PDE12: variants seen among roughly 807,000 people sequenced by gnomAD.
PDE12 encodes phosphodiesterase 12, also known as 2',5'-phosphodiesterase 12.
Under a neutral mutation model 45.4 loss-of-function variants are expected in PDE12, and 26 were observed. The observed-to-expected ratio is 0.57, with a 90% CI of 0.42 to 0.79. The LOEUF is 0.79. Ranked by LOEUF, PDE12 falls within the 30% of genes least tolerant of loss-of-function variation. The probability of loss-of-function intolerance (pLI) is 0.00; values close to 1 mark genes in which losing one functional copy is unlikely to be tolerated. For missense variants in PDE12, 668 were observed against 790.0 expected, an observed-to-expected ratio of 0.85 and a Z score of 1.85; for synonymous variants, 283 against 323.9, an observed-to-expected ratio of 0.87 and a Z score of 1.36.
the PDE12 span, among the ~76,000 whole-genome samples, chr3:57,645,476 A>AAAAT: frequency 6.6e-6 from 1 of 152,118 alleles, no homozygotes; most frequent in Admixed American, 6.5e-5. Context: ...TAAATAAATA[A>AAAAT]AAATAAATAC....
chr3:57,575,818 A>G, the PDE12 span: 2 of 886,082 alleles, frequency 2.3e-6, no homozygotes, highest in Non-Finnish European at 3.2e-6. Context: ...TTACAACTGA[A>G]GTCTCATATC....
At chr3:57,604,852 A>G in the PDE12 span, among the ~76,000 whole-genome samples, 3 of 151,902 alleles carry the variant, frequency 2.0e-5, no homozygotes, top group African/African-American at 7.3e-5. Context: ...GCTTCAAGCA[A>G]TCCTCCCACC....
the PDE12 span, among the ~76,000 whole-genome samples, chr3:57,622,685 T>G: frequency 1.3e-5 from 2 of 152,138 alleles, no homozygotes; most frequent in African/African-American, 4.8e-5. Flanking sequence ...ACAATCCAAA[T>G]GTCTATCAAC....
chr3:57,609,485 T>C, the PDE12 span, among the ~76,000 whole-genome samples: 4 of 151,868 alleles, frequency 2.6e-5, no homozygotes, highest in Non-Finnish European at 4.4e-5. Flanking sequence ...ATTGATAGAC[T>C]GCAAGCAAGA....
the PDE12 span, among the ~76,000 whole-genome samples, chr3:57,606,385 A>G: frequency 1.3e-5 from 2 of 152,178 alleles, no homozygotes; most frequent in African/African-American, 4.8e-5. Flanking sequence ...TCCAGCAAAA[A>G]TATCTTATAA....
At chr3:57,654,614 C>A in the PDE12 span, 1 of 982,324 alleles carries the variant, frequency 1.0e-6, no homozygotes, top group Non-Finnish European at 1.2e-6. Context: ...ATGTCTATTT[C>A]TTTCAACAGA....
the PDE12 span, chr3:57,641,822 C>CT: frequency 1.4e-3 from 1,659 of 1,207,336 alleles, no homozygotes; most frequent in Non-Finnish European, 1.5e-3. Context: ...GAATAGTTTA[C>CT]TTTTTTTTTC....
At position 57,556,553 on chromosome 3, in the gene PDE12, T is replaced by TAGCC. The variant is rs1246584035; in HGVS notation, c.176_179dup (p.His60GlnfsTer30). On this transcript the variant is annotated frameshift_variant, in exon 1 of 3. Coordinates refer to ENST00000311180, the MANE Select transcript of PDE12 (RefSeq NM_177966.7). LOFTEE classifies it high-confidence loss of function. This position sits in a 1 kb window ranked among gnomAD's most constrained non-coding sequence, Gnocchi z 5.0. ...GCCTGTCATTCGCTTTGGCTGATGG[T>TAGCC]AGCCACAAGAACATGCAGCGCGACC... is the stretch of plus-strand genomic sequence containing the variant. The TAGCC allele has an allele frequency of 1.2e-6, 2 of 1,613,564 alleles. No homozygotes were observed. Among genetic ancestry groups the TAGCC allele is most frequent in the Non-Finnish European group, 1.7e-6 (2 of 1,179,992 alleles).
chr3:57,557,040 C>G lies in PDE12; in HGVS notation c.661C>G (p.Pro221Ala), dbSNP rs760908694. 2 of 1,613,962 alleles carry G rather than the reference C, an allele frequency of 1.2e-6. No individual in the cohort carries two copies. The highest frequency in any genetic ancestry group is 2.7e-5 in the African/African-American group (2 of 74,886). The part of the protein sequence containing the change: ...GVPSSLSPSS[P>A]SSSWTETDVE... ...CCCCTCGTCATTGTCTCCCTCCTCA[C>G]CTTCTTCTTCTTGGACTGAGACTGA... Residue 221 changes from proline (P) to alanine (A), a missense_variant, in exon 1 of 3, where the codon CCT (proline) becomes GCT (alanine). This residue lies in a region of PDE12 where 580 missense variants were observed against 662.9 expected (regional missense o/e 0.87). Coordinates refer to ENST00000311180, the MANE Select transcript of PDE12 (RefSeq NM_177966.7).
At chr3:57,604,224 A>T in the PDE12 span, among the ~76,000 whole-genome samples, 2 of 151,984 alleles carry the variant, frequency 1.3e-5, no homozygotes, top group African/African-American at 2.4e-5. Context: ...CCCAGCAGAA[A>T]TTTTTTTTAA....
chr3:57,571,928 A>G, the PDE12 span: 2 of 287,714 alleles, frequency 7.0e-6, no homozygotes, highest in African/African-American at 4.4e-5. Context: ...ACTCAAAACA[A>G]TTTATTTAAA....
the PDE12 span, chr3:57,575,711 G>A: frequency 1.3e-5 from 21 of 1,560,560 alleles, no homozygotes; most frequent in Non-Finnish European, 1.8e-5. Context: ...ACTACCAACC[G>A]GAATCCAATT....
the PDE12 span, chr3:57,634,584 CATCTCT>C: frequency 2.1e-6 from 3 of 1,445,662 alleles, no homozygotes; most frequent in South Asian, 4.3e-5. Context: ...ATGATCTCTT[CATCTCT>C]ATTTAAATAT....
chr3:57,556,584 G>A lies in PDE12; in HGVS notation c.205G>A (p.Glu69Lys), dbSNP rs1197619527. ...CAAGAACATGCAGCGCGACCAGAGCGAGCCGCTGGGTCGAGTCCTCAGCCG... is the reference window on the plus strand; with the variant it reads ...CAAGAACATGCAGCGCGACCAGAGCAAGCCGCTGGGTCGAGTCCTCAGCCG... ...SHKNMQRDQSEPLGRVLSRIA... is the reference protein window; with the variant it reads ...SHKNMQRDQSKPLGRVLSRIA... The change falls in exon 1 of 3, where the codon GAG (glutamate) becomes AAG (lysine). Residue 69 changes from glutamate to lysine, a missense_variant. Physicochemically the swap from Glu to Lys is moderately conservative, Grantham distance 56 (BLOSUM62 1). Transcript: ENST00000311180. The surrounding 1 kb of genome is among the most constrained non-coding windows in gnomAD (Gnocchi z 5.0). 1 of 1,613,260 alleles carries A rather than the reference G, an allele frequency of 6.2e-7. No homozygotes were observed. Among genetic ancestry groups the A allele is most frequent in the Non-Finnish European group, 8.5e-7 (1 of 1,179,930 alleles).
chr3:57,588,994 C>G, the PDE12 span, among the ~76,000 whole-genome samples: 4 of 151,408 alleles, frequency 2.6e-5, no homozygotes, highest in South Asian at 8.3e-4. Context: ...CCCAGCTACT[C>G]GGGAGGCTGA....
At chr3:57,598,572 G>C in the PDE12 span, among the ~76,000 whole-genome samples, 2 of 152,098 alleles carry the variant, frequency 1.3e-5, no homozygotes, top group African/African-American at 4.8e-5. Context: ...ACGAGGTCAG[G>C]AGATCGAGAC....
rs1022356125 is a variant in PDE12, at chr3:57,561,377, C to T, written c.*1373C>T. On this transcript the variant is annotated 3_prime_UTR_variant, in exon 3 of 3. Transcript: ENST00000311180. ...CTCTGAAATAAAAAACTTCTTTTTA[C>T]AGACAAGCATTATAGTTTGAGTTAC... 3 of 983,700 alleles carry T rather than the reference C, an allele frequency of 3.0e-6. No homozygotes were observed. The highest frequency in any genetic ancestry group is 1.2e-4 in the Admixed American group (2 of 16,240). 60.9% of individuals were successfully genotyped at this position (983,700 alleles called of 1,614,324 possible).
chr3:57,627,218 A>G, the PDE12 span: 4 of 152,210 alleles, frequency 2.6e-5, no homozygotes, highest in African/African-American at 9.7e-5. Context: ...ATCTCAGCTC[A>G]CTGCAACCTC....
chr3:57,621,565 G>A, the PDE12 span, among the ~76,000 whole-genome samples: 5 of 152,088 alleles, frequency 3.3e-5, no homozygotes, highest in African/African-American at 1.2e-4. Flanking sequence ...AGCTACTGGG[G>A]AGGTTGAGGC....
Sources: gnomAD v4.1 joint callset for allele counts (sites outside exome capture counted in the v4.1 genomes callset) on GRCh38, gnomAD v4.1.1 for gene constraint, gnomAD v4.1.1 regional missense constraint, Gnocchi (gnomAD v3.1) non-coding constraint, MANE v1.5 for transcripts, NCBI Gene and HGNC (gene_info 2026-07-23, HGNC 2026-07-21) for gene names.